The following FBXO47 variants were observed in gnomAD, a reference collection of about 807,000 sequenced individuals.
FBXO47 encodes F-box only protein 47.
A neutral mutation model predicts 53.9 loss-of-function variants in FBXO47; 34 were observed. That is an observed-to-expected ratio of 0.63 (90% CI 0.48 to 0.84). The LOEUF (loss-of-function observed/expected upper bound fraction) is 0.84, where lower values mean the gene tolerates loss of function less well. Among genes scored for constraint, FBXO47 ranks in the 40% least tolerant of loss-of-function variants. The pLI, the probability that FBXO47 is intolerant of heterozygous loss-of-function variation, is 0.00. For synonymous variants in FBXO47, 165 were observed against 181.6 expected (o/e 0.91, Z 0.73); for missense variants, 485 against 541.3 (o/e 0.90, Z 1.03).
chr17:38,949,790 T>C (rs1047224724), intron 6 of FBXO47, among the ~76,000 whole-genome samples: 10 of 152,288 alleles, frequency 6.6e-5, no homozygotes, highest in East Asian at 3.9e-4. Context: ...GCTAGAATAC[T>C]GTAGAGCAGT....
chr17:38,941,622 A>T lies in FBXO47; in HGVS notation c.1083+1156T>A, dbSNP rs868208037. 7.2e-3 allele frequency among the ~76,000 whole-genome samples: 903 copies of T among 125,816 alleles called. 11 individuals are homozygous for T. Among genetic ancestry groups the T allele is most frequent in the African/African-American group, 0.031 (826 of 27,070 alleles). 82.5% of individuals were successfully genotyped at this position (125,816 alleles called of 152,430 possible). ...ATGAATATTAAATAAATATAATATTATATATATATATATATATATATATGT... is the reference window on the plus strand; with the variant it reads ...ATGAATATTAAATAAATATAATATTTTATATATATATATATATATATATGT... On this transcript the variant is annotated intron_variant, in intron 9 of 10. Transcript: ENST00000378079.
intron 3 of FBXO47, among the ~76,000 whole-genome samples, chr17:38,960,442 T>G (rs1401875167): frequency 6.6e-6 from 1 of 151,988 alleles, no homozygotes; most frequent in Non-Finnish European, 1.5e-5. Flanking sequence ...GCAATTAAGA[T>G]CAATACATAT....
chr17:38,946,016 TA>T (rs1163055289), intron 6 of FBXO47, among the ~76,000 whole-genome samples: 1 of 125,196 alleles, frequency 8.0e-6, no homozygotes, highest in East Asian at 2.4e-4. Context: ...TACATAAATA[TA>T]AAAATATAAA....
At chr17:38,944,873 T>C (rs1904679110) in intron 7 of FBXO47, 87 bp downstream of exon 7, 7 of 1,023,010 alleles carry the variant, frequency 6.8e-6, no homozygotes, top group Non-Finnish European at 8.9e-6. Flanking sequence ...TGTGTGTGTA[T>C]AATATATGCT....
chr17:38,966,401 C>T (rs1012239706), intron 1 of FBXO47, among the ~76,000 whole-genome samples: 1 of 152,268 alleles, frequency 6.6e-6, no homozygotes, highest in Non-Finnish European at 1.5e-5. Context: ...GGGGTTTCAC[C>T]GTGTTAGCCA....
At position 38,944,947 on chromosome 17, in the gene FBXO47, G is replaced by A. The variant is rs1226553059; in HGVS notation, c.793+13C>T. 3 of 1,609,210 alleles carry A rather than the reference G, an allele frequency of 1.9e-6. No homozygotes were observed. In the African/African-American group the frequency reaches 4.0e-5, roughly 22 times the overall value. ...AACCAGTTATGTTACAACCCTGAAA[G>A]ATGGGTGCTCACCATCTTGAGGAGA... On this transcript the variant is annotated intron_variant, in intron 7 of 10. Transcript: ENST00000378079.
chr17:38,956,635 G>C (rs1272200163), intron 4 of FBXO47, among the ~76,000 whole-genome samples: 1 of 150,828 alleles, frequency 6.6e-6, no homozygotes, highest in Non-Finnish European at 1.5e-5. Flanking sequence ...AGAAACAGCA[G>C]ATACCACTGA....
intron 6 of FBXO47, among the ~76,000 whole-genome samples, chr17:38,947,019 T>A (rs866401357): frequency 1.5e-3 from 202 of 136,864 alleles, no homozygotes; most frequent in African/African-American, 5.0e-3. Context: ...TAAATATATA[T>A]AAACATATAC....
At chr17:38,957,856 A>G (rs1054337693) in intron 3 of FBXO47, among the ~76,000 whole-genome samples, 11 of 151,716 alleles carry the variant, frequency 7.3e-5, no homozygotes, top group African/African-American at 2.4e-4. Context: ...TTTTCTTGAT[A>G]CAGAGTCTCG....
At chr17:38,949,339 G>C (rs985718404) in intron 6 of FBXO47, among the ~76,000 whole-genome samples, 4 of 152,120 alleles carry the variant, frequency 2.6e-5, no homozygotes, top group African/African-American at 9.7e-5. Flanking sequence ...AGGATTGCTT[G>C]AGCCCAGGAA....
chr17:38,961,666 A>G (rs954493346), intron 3 of FBXO47, among the ~76,000 whole-genome samples: 33 of 152,356 alleles, frequency 2.2e-4, no homozygotes, highest in African/African-American at 7.9e-4. Flanking sequence ...ATGAAATCTC[A>G]AGAATTGACA....
intron 6 of FBXO47, 46 bp from the exon 7 acceptor site, chr17:38,945,182 C>T (rs1904698997): frequency 2.1e-6 from 3 of 1,423,884 alleles, no homozygotes; most frequent in Non-Finnish European, 3.0e-6. Context: ...AGAAAGGCTG[C>T]TGTGCATATT....
At chr17:38,961,743 G>T in intron 3 of FBXO47, 134 bp downstream of exon 3, 1 of 729,632 alleles carries the variant, frequency 1.4e-6, no homozygotes, top group South Asian at 1.8e-5. Flanking sequence ...TCACACTAAA[G>T]AGTAAAAACA....
rs1346096526 is a variant in FBXO47 at position 38,963,056 on chromosome 17, T to A, written c.-26-5A>T. ...TTCTTGTCTCACAAATTTATCCTGG[T>A]CAGAAAAACAAAGTACAAGAGACAA... On this transcript the variant is annotated splice_polypyrimidine_tract_variant and splice_region_variant and intron_variant, in intron 1 of 10. Transcript: ENST00000378079. 6 of 1,540,382 alleles carry A rather than the reference T, an allele frequency of 3.9e-6. No individual in the cohort carries two copies. The Admixed American group carries it at 1.1e-4, about 28-fold the overall frequency.
intron 6 of FBXO47, among the ~76,000 whole-genome samples, chr17:38,946,470 ATATATAAC>A: frequency 2.1e-5 from 2 of 94,590 alleles, no homozygotes; most frequent in African/African-American, 9.1e-5. Flanking sequence ...ATATATGAAT[ATATATAAC>A]TATATAAATA....
At chr17:38,951,380 GA>G (rs1905272480) in intron 6 of FBXO47, among the ~76,000 whole-genome samples, 200 bp downstream of exon 6, 1 of 151,762 alleles carries the variant, frequency 6.6e-6, no homozygotes, top group Non-Finnish European at 1.5e-5. Flanking sequence ...TTTTTGTAGA[GA>G]CAAGGTCTCG....
intron 1 of FBXO47, among the ~76,000 whole-genome samples, chr17:38,963,601 A>G (rs545876269): frequency 2.6e-5 from 4 of 152,332 alleles, no homozygotes; most frequent in African/African-American, 9.6e-5. Flanking sequence ...CATTACTATG[A>G]AATTTTAAAG....
At chr17:38,938,464 T>C (rs527688837) in intron 10 of FBXO47, 109 bp downstream of exon 10, 3 of 526,436 alleles carry the variant, frequency 5.7e-6, no homozygotes, top group South Asian at 1.1e-4. Context: ...AGAAATAGCT[T>C]TTTTTTTTTT....
chr17:38,946,857 T>C (rs1262280573), intron 6 of FBXO47, among the ~76,000 whole-genome samples: 1 of 114,726 alleles, frequency 8.7e-6, no homozygotes, highest in African/African-American at 3.6e-5. Context: ...TATAAAAATA[T>C]ATATAAATAT....
Sources: allele counts gnomAD v4.1 joint callset (sites outside exome capture counted in the v4.1 genomes callset), GRCh38; gene constraint gnomAD v4.1.1; transcripts MANE v1.5; gene names NCBI Gene and HGNC (gene_info 2026-07-23, HGNC 2026-07-21).